The following DDX19B variants were observed in gnomAD, a reference collection of about 807,000 sequenced individuals.
DDX19B encodes the protein DEAD-box helicase 19B.
Under a neutral mutation model 58.1 loss-of-function variants are expected in DDX19B, and 27 were observed. That is an observed-to-expected ratio of 0.46 (90% CI 0.34 to 0.64). DDX19B has a LOEUF of 0.64. DDX19B is among the 30% of genes least tolerant of loss of function. The pLI is 0.01. For synonymous variants in DDX19B, 187 were observed against 214.4 expected, an observed-to-expected ratio of 0.87 and a Z score of 1.12; for missense variants, 399 against 596.5, an observed-to-expected ratio of 0.67 and a Z score of 3.45.
chr16:70,312,741 T>A (rs1962158258), intron 2 of DDX19B, 84 bp downstream of exon 2: 3 of 1,178,522 alleles, frequency 2.5e-6, no homozygotes, highest in South Asian at 1.3e-5. Flanking sequence ...TGGAAAAAAA[T>A]TTGTATTTGT....
At chr16:70,303,614 T>C (rs1421144274) in intron 1 of DDX19B, among the ~76,000 whole-genome samples, 1 of 152,232 alleles carries the variant, frequency 6.6e-6, no homozygotes, top group Non-Finnish European at 1.5e-5. Flanking sequence ...TGGAGTGCAG[T>C]GGTGCCATCT....
chr16:70,306,396 C>T (rs1417501721), intron 1 of DDX19B, among the ~76,000 whole-genome samples: 2 of 152,130 alleles, frequency 1.3e-5, no homozygotes, highest in African/African-American at 4.8e-5. Flanking sequence ...AAGCTATCAC[C>T]TGCCTTGGCC....
intron 1 of DDX19B, among the ~76,000 whole-genome samples, chr16:70,304,230 A>G (rs1435323641): frequency 6.6e-6 from 1 of 150,940 alleles, no homozygotes; most frequent in East Asian, 2.0e-4. Flanking sequence ...TAGTAGAGAC[A>G]GGGTTTCACC....
Position 70,330,018 on chromosome 16 carries a change from T to A in DDX19B, c.973T>A (p.Cys325Ser), listed in dbSNP as rs991668204. ...CAGAGACGAGAAGTTCCAGGCCTTG[T>A]GTAACCTCTACGGGGCCATCACCAT... ...SSRDEKFQALCNLYGAITIAQ... is the reference protein window; with the variant it reads ...SSRDEKFQALSNLYGAITIAQ... The change falls in exon 9 of 12, where the codon TGT becomes AGT. Residue 325 changes from cysteine to serine, a missense_variant. By Grantham distance (112) the Cys-to-Ser change is moderately radical. Transcript: ENST00000288071. The A allele has an allele frequency of 6.2e-7, 1 of 1,614,080 alleles. No individual in the cohort carries two copies. The highest frequency in any genetic ancestry group is 8.5e-7 in the Non-Finnish European group (1 of 1,179,942).
chr16:70,328,696 T>C (rs1007025944), intron 7 of DDX19B, among the ~76,000 whole-genome samples: 1 of 152,034 alleles, frequency 6.6e-6, no homozygotes, highest in African/African-American at 2.4e-5. Flanking sequence ...AATATATTGT[T>C]GACTGTAGTC....
chr16:70,329,150 G>A (rs1963337039), intron 7 of DDX19B, 142 bp from the exon 8 acceptor site: 2 of 1,123,500 alleles, frequency 1.8e-6, no homozygotes, highest in Non-Finnish European at 2.5e-6. Flanking sequence ...TTGAACCTGG[G>A]CGGCAGAGGT....
At chr16:70,289,817 ACAC>A, upstream of DDX19B, 1 of 408,558 alleles carries the variant, frequency 2.4e-6, no homozygotes, top group South Asian at 1.6e-5. Context: ...CAAAGTCCTA[ACAC>A]CACAATTGAC....
intron 1 of DDX19B, among the ~76,000 whole-genome samples, chr16:70,302,536 A>G (rs867007229): frequency 7.2e-5 from 11 of 152,274 alleles, no homozygotes; most frequent in South Asian, 6.2e-4. Flanking sequence ...ACTTAGTATT[A>G]TGCATTTAGA....
At chr16:70,327,885 T>C (rs1255226200) in intron 7 of DDX19B, among the ~76,000 whole-genome samples, 4 of 152,156 alleles carry the variant, frequency 2.6e-5, no homozygotes, top group African/African-American at 9.6e-5. Context: ...ACATGATGGC[T>C]CATACCTGTA....
At chr16:70,308,946 CT>C (rs1485161656) in intron 1 of DDX19B, among the ~76,000 whole-genome samples, 1 of 152,018 alleles carries the variant, frequency 6.6e-6, no homozygotes, top group Non-Finnish European at 1.5e-5. Context: ...TGTATTAGCT[CT>C]TTTTCCTAAT....
At chr16:70,326,073 G>A (rs927830929) in intron 7 of DDX19B, among the ~76,000 whole-genome samples, 3 of 152,154 alleles carry the variant, frequency 2.0e-5, no homozygotes, top group East Asian at 1.9e-4. Context: ...TATACGTTGC[G>A]TTTGGTTGTT....
intron 1 of DDX19B, among the ~76,000 whole-genome samples, chr16:70,312,116 A>G (rs1298928675): frequency 6.6e-6 from 1 of 152,208 alleles, no homozygotes; most frequent in African/African-American, 2.4e-5. Context: ...TTGGGATTAC[A>G]GGCGCGAGCC....
At chr16:70,291,207 C>G (rs1444497826), upstream of DDX19B, among the ~76,000 whole-genome samples, 1 of 152,134 alleles carries the variant, frequency 6.6e-6, no homozygotes, top group Non-Finnish European at 1.5e-5. Context: ...GTTACTACTA[C>G]TATCTGCTTT....
rs61033553 is a variant in DDX19B at position 70,309,817 on chromosome 16, C to CAAA, written c.58-2773_58-2771dup. ...TGGGCGACAGGGCAAGACTCCGTCT[C>CAAA]AAAAAAAAAAAAAAAAAAAAAGAGA... On this transcript the variant is annotated intron_variant, in intron 1 of 11. Coordinates refer to ENST00000288071, the MANE Select transcript of DDX19B (RefSeq NM_007242.7). Among the ~76,000 whole-genome samples the CAAA allele has an allele frequency of 4.5e-4, 19 of 42,632 alleles. 2 individuals carry two copies. Among genetic ancestry groups the CAAA allele is most frequent in the South Asian group, 1.2e-3 (1 of 814 alleles). The allele number at this position is 42,632 out of a possible 152,430, so 28.0% of individuals were successfully genotyped here. A position where few individuals can be genotyped will look rare whatever the true frequency, so the allele number is the denominator to read the frequency against.
chr16:70,316,051 G>A lies in DDX19B; in HGVS notation c.243G>A (p.Gln81=), dbSNP rs1055781. Reference sequence around the variant, plus strand: ...ACACAAACCAAGTGGAAGTCCTGCAGCGGGATCCAAACTCCCCTCTGTACT... The same window carrying A: ...ACACAAACCAAGTGGAAGTCCTGCAACGGGATCCAAACTCCCCTCTGTACT... ...VDNTNQVEVL[Q]RDPNSPLYSV... Residue 81 remains glutamine (Q), a synonymous_variant, in exon 4 of 12, where the codon CAG becomes CAA. Coordinates refer to ENST00000288071, the MANE Select transcript of DDX19B (RefSeq NM_007242.7). The A allele has an allele frequency of 8.7e-6, 14 of 1,614,122 alleles. No individual in the cohort carries two copies. The highest frequency in any genetic ancestry group is 1.6e-4 in the Middle Eastern group (1 of 6,062).
chr16:70,311,334 C>T (rs934145015), intron 1 of DDX19B, among the ~76,000 whole-genome samples: 9 of 152,054 alleles, frequency 5.9e-5, no homozygotes, highest in Admixed American at 1.3e-4. Flanking sequence ...GAGCTGAGAT[C>T]GCGCCCCTAC....
intron 10 of DDX19B, among the ~76,000 whole-genome samples, chr16:70,332,436 G>T (rs1302552284): frequency 6.6e-6 from 1 of 152,138 alleles, no homozygotes; most frequent in African/African-American, 2.4e-5. Flanking sequence ...GAGTAGCTGG[G>T]ATTACAGGCG....
intron 1 of DDX19B, among the ~76,000 whole-genome samples, chr16:70,301,721 G>A (rs1452169173): frequency 7.6e-6 from 1 of 131,684 alleles, no homozygotes; most frequent in Admixed American, 8.1e-5. Context: ...TTAAGACAGT[G>A]TCTGTCTATG....
At chr16:70,314,677 TA>T in intron 2 of DDX19B, 1 of 210,578 alleles carries the variant, frequency 4.7e-6, no homozygotes, top group African/African-American at 2.9e-5. Flanking sequence ...AATAAATAAA[TA>T]ATAAAATAAA....
Sources: allele counts gnomAD v4.1 joint callset (sites outside exome capture counted in the v4.1 genomes callset), GRCh38; gene constraint gnomAD v4.1.1; transcripts MANE v1.5; gene names NCBI Gene and HGNC (gene_info 2026-07-23, HGNC 2026-07-21).